The following ZNF254 variants were observed in gnomAD, a reference collection of about 807,000 sequenced individuals.
ZNF254 encodes the protein zinc finger protein 254.
A neutral mutation model predicts 12.4 loss-of-function variants in ZNF254; 10 were observed. That is an observed-to-expected ratio of 0.80 (90% CI 0.50 to 1.36). The LOEUF (loss-of-function observed/expected upper bound fraction) is 1.36. ZNF254 is among the 40% of genes most tolerant of loss of function. The pLI is 0.00. For missense variants in ZNF254, 996 were observed against 763.9 expected (o/e 1.30, Z -3.58); for synonymous variants, 305 against 253.4 (o/e 1.20, Z -1.93).
At position 24,073,090 on chromosome 19, in the gene ZNF254, A is replaced by G. The variant is rs1223745762; in HGVS notation, c.-94+26811A>G. Among the ~76,000 whole-genome samples the G allele has an allele frequency of 2.6e-5, 4 of 152,224 alleles. No individual in the cohort carries two copies. In the East Asian group the frequency reaches 7.7e-4, roughly 29 times the overall value. On this transcript the variant is annotated intron_variant, in intron 2 of 4. Coordinates refer to the ZNF254 transcript ENST00000613065. ...AAGGATTACTTTTCTTTCACATTTT[A>G]TATAAAGTCTTTGGATGGTACAGAG...
chr19:24,117,551 C>T (rs141198781), intron 3 of ZNF254, among the ~76,000 whole-genome samples: 1,775 of 152,242 alleles, frequency 0.012, 22 homozygotes, highest in Admixed American at 0.018. Flanking sequence ...GTCGGAAAAG[C>T]GCAGTATTAG....
intron 1 of ZNF254, among the ~76,000 whole-genome samples, chr19:24,042,913 T>C (rs1477725042): frequency 6.6e-6 from 1 of 152,222 alleles, no homozygotes; most frequent in East Asian, 1.9e-4. Flanking sequence ...TATTTTTCTC[T>C]TTATTATGAA....
intron 3 of ZNF254, among the ~76,000 whole-genome samples, chr19:24,116,188 C>T (rs1193389068): frequency 5.3e-5 from 8 of 151,208 alleles, no homozygotes; most frequent in Non-Finnish European, 1.0e-4. Flanking sequence ...AGTTGCTCTT[C>T]TCGAGAAGTA....
At chr19:24,037,755 A>T (rs1006748839) in intron 1 of ZNF254, among the ~76,000 whole-genome samples, 1 of 152,156 alleles carries the variant, frequency 6.6e-6, no homozygotes, top group Non-Finnish European at 1.5e-5. Context: ...GATTACAGGC[A>T]TGTGCCACCA....
rs1599774022 is a variant in ZNF254, at chr19:24,126,765, A to G, written c.765A>G (p.Thr255=). 7 of 1,613,110 alleles carry G rather than the reference A, an allele frequency of 4.3e-6. No homozygotes were observed. In the South Asian group the frequency reaches 6.6e-5, roughly 15 times the overall value. The change falls in exon 4 of 4, where the codon ACA becomes ACG. Residue 255 remains threonine (T), a synonymous_variant. Transcript: ENST00000357002. ...KSPKQLSTLT[T]HEIIHAGEKL... Reference sequence around the variant, plus strand: ...CTAAGCAACTCTCAACCCTTACTACACATGAAATAATTCATGCTGGAGAGA... The same window carrying G: ...CTAAGCAACTCTCAACCCTTACTACGCATGAAATAATTCATGCTGGAGAGA...
chr19:24,048,003 CTTTT>C (rs398034320), intron 2 of ZNF254, among the ~76,000 whole-genome samples: 4 of 68,810 alleles, frequency 5.8e-5, no homozygotes, highest in Non-Finnish European at 7.5e-5. Context: ...TTCTTTTCTT[CTTTT>C]TTTTTTTTTT....
At chr19:24,092,248 C>G (rs1288426577) in intron 1 of ZNF254, among the ~76,000 whole-genome samples, 1 of 119,316 alleles carries the variant, frequency 8.4e-6, no homozygotes, top group African/African-American at 3.2e-5. Flanking sequence ...CTCACCTCAA[C>G]CTACACCTCC....
chr19:24,056,362 C>T (rs1217038939), intron 2 of ZNF254, among the ~76,000 whole-genome samples: 2 of 152,172 alleles, frequency 1.3e-5, no homozygotes, highest in African/African-American at 4.8e-5. Flanking sequence ...CTCTCTTCTC[C>T]TGCCTGGTCC....
chr19:24,091,819 G>C, intron 1 of ZNF254: 1 of 981,574 alleles, frequency 1.0e-6, no homozygotes, highest in South Asian at 4.7e-5. Context: ...TGATTTTTGA[G>C]TTTAATGCTA....
intron 1 of ZNF254, among the ~76,000 whole-genome samples, chr19:24,088,461 T>C (rs184793608): frequency 6.6e-6 from 1 of 152,090 alleles, no homozygotes; most frequent in African/African-American, 2.4e-5. Flanking sequence ...TTTTCACATG[T>C]ATCCCAAGCA....
intron 2 of ZNF254, among the ~76,000 whole-genome samples, chr19:24,076,006 T>C (rs1971643625): frequency 1.3e-5 from 2 of 152,224 alleles, no homozygotes; most frequent in South Asian, 4.1e-4. Context: ...ATCTCCCTTG[T>C]TCCCTGAAAA....
At chr19:24,060,618 C>T (rs1219339447) in intron 2 of ZNF254, among the ~76,000 whole-genome samples, 1 of 152,022 alleles carries the variant, frequency 6.6e-6, no homozygotes, top group African/African-American at 2.4e-5. Context: ...GGTCCATGCA[C>T]ACAAAAAAGA....
chr19:24,041,508 G>A (rs902049022), intron 1 of ZNF254, among the ~76,000 whole-genome samples: 7 of 152,250 alleles, frequency 4.6e-5, no homozygotes, highest in Non-Finnish European at 7.3e-5. Flanking sequence ...CTGGCCCACC[G>A]GCGCTACGCT....
At chr19:24,120,476 A>G (rs7255819) in intron 3 of ZNF254, among the ~76,000 whole-genome samples, 22,625 of 152,090 alleles carry the variant, frequency 0.15, 2,842 homozygotes, top group African/African-American at 0.34. Flanking sequence ...GCAGATTTTT[A>G]TTGTTTTAAA....
At chr19:24,035,249 C>A (rs550741803) in intron 1 of ZNF254, among the ~76,000 whole-genome samples, 49 of 152,256 alleles carry the variant, frequency 3.2e-4, no homozygotes, top group African/African-American at 1.0e-3. Flanking sequence ...CTGCAGCCTC[C>A]GCCTCCCAGG....
chr19:24,072,894 C>G (rs1488484733), intron 2 of ZNF254, among the ~76,000 whole-genome samples: 2 of 152,178 alleles, frequency 1.3e-5, no homozygotes, highest in African/African-American at 4.8e-5. Flanking sequence ...TGATGTTACT[C>G]TCCTGTTTTC....
chr19:24,107,493 TTAAGTG>T (rs1331307692), intron 3 of ZNF254: 11 of 308,944 alleles, frequency 3.6e-5, no homozygotes, highest in African/African-American at 2.2e-4. Context: ...ATCAGATAGT[TTAAGTG>T]TATGGAACCA....
chr19:24,056,097 CAG>C (rs1970843301), intron 2 of ZNF254, among the ~76,000 whole-genome samples: 1 of 152,186 alleles, frequency 6.6e-6, no homozygotes, highest in Non-Finnish European at 1.5e-5. Context: ...GTGCTGCTCA[CAG>C]GGGACATTGT....
chr19:24,041,574 G>T (rs1568421683), intron 1 of ZNF254, among the ~76,000 whole-genome samples: 1 of 152,248 alleles, frequency 6.6e-6, no homozygotes, highest in Non-Finnish European at 1.5e-5. Context: ...GGGACCTGCA[G>T]CCCGCCATGC....
Sources: gnomAD v4.1 joint callset for allele counts (sites outside exome capture counted in the v4.1 genomes callset) on GRCh38, gnomAD v4.1.1 for gene constraint, MANE v1.5 for transcripts, NCBI Gene and HGNC (gene_info 2026-07-23, HGNC 2026-07-21) for gene names.